Variants in ALOX5 observed in about 807,000 individuals in gnomAD.
The protein encoded by ALOX5 is polyunsaturated fatty acid 5-lipoxygenase.
Under a neutral mutation model 87.9 loss-of-function variants are expected in ALOX5, and 64 were observed. That is an observed-to-expected ratio of 0.73 (90% CI 0.60 to 0.90). ALOX5 has a LOEUF of 0.90. Ranked by LOEUF, ALOX5 falls within the 40% of genes least tolerant of loss-of-function variation. ALOX5 has a pLI of 0.00. For missense variants in ALOX5, 822 were observed against 907.5 expected (o/e 0.91, Z 1.21); for synonymous variants, 388 against 355.1 (o/e 1.09, Z -1.04).
At chr10:45,406,115 A>G (rs1475798931) in intron 3 of ALOX5, among the ~76,000 whole-genome samples, 1 of 152,160 alleles carries the variant, frequency 6.6e-6, no homozygotes, top group Non-Finnish European at 1.5e-5. Flanking sequence ...CAGTCCTGTG[A>G]AAGTTGTTTA....
intron 3 of ALOX5, among the ~76,000 whole-genome samples, chr10:45,409,619 CTCTT>C (rs1372605492): frequency 2.0e-5 from 3 of 151,890 alleles, no homozygotes; most frequent in African/African-American, 7.3e-5. Flanking sequence ...TTCTCTCTCT[CTCTT>C]TCTCTCTCTC....
rs1429211481 is a variant in ALOX5 at position 45,428,456 on chromosome 10, A to AATC, written c.835-160_835-158dup. 8.1e-6 allele frequency: 7 copies of AATC among 864,474 alleles called. No homozygotes were observed. The South Asian group carries it at 1.1e-4, about 13-fold the overall frequency. 53.6% of individuals were successfully genotyped at this position (864,474 alleles called of 1,614,324 possible). The stretch of plus-strand genomic sequence containing the variant: ...ACAACCTGTGAACACCTTCCATGTG[A>AATC]ATCAATCAGCCTTGGAGTCAGAGGA... On this transcript the variant is annotated intron_variant, in intron 6 of 13. Transcript: ENST00000374391.
intron 1 of ALOX5, among the ~76,000 whole-genome samples, chr10:45,382,279 T>C (rs549217993): frequency 1.6e-4 from 25 of 152,360 alleles, no homozygotes; most frequent in African/African-American, 5.5e-4. Context: ...AGTGAGGACA[T>C]CTTTCATAGG....
intron 7 of ALOX5, among the ~76,000 whole-genome samples, chr10:45,429,987 C>T (rs1841856307): frequency 6.6e-6 from 1 of 152,200 alleles, no homozygotes; most frequent in Non-Finnish European, 1.5e-5. Flanking sequence ...TTCCAGCCTC[C>T]CCACAGTCTC....
intron 7 of ALOX5, among the ~76,000 whole-genome samples, chr10:45,430,865 A>G (rs1006701510): frequency 1.3e-5 from 2 of 152,208 alleles, no homozygotes; most frequent in Non-Finnish European, 2.9e-5. Context: ...ATCAGCCCCA[A>G]ATTGATCATA....
intron 9 of ALOX5, 99 bp from the exon 10 acceptor site, chr10:45,442,939 G>A (rs537506989): frequency 1.5e-6 from 2 of 1,317,576 alleles, no homozygotes; most frequent in East Asian, 2.4e-5. Flanking sequence ...ACCTCTGCCT[G>A]CCTGGCCTCC....
intron 4 of ALOX5, among the ~76,000 whole-genome samples, chr10:45,420,653 C>T (rs1244729016): frequency 1.3e-5 from 2 of 152,234 alleles, no homozygotes; most frequent in South Asian, 2.1e-4. Flanking sequence ...TTGGTTTCCT[C>T]GCCGCTGCTT....
At chr10:45,401,865 T>C (rs1401155728) in intron 3 of ALOX5, among the ~76,000 whole-genome samples, 2 of 152,188 alleles carry the variant, frequency 1.3e-5, no homozygotes, top group Non-Finnish European at 2.9e-5. Context: ...GGTGGGTGGA[T>C]CACCAGGTCA....
At chr10:45,420,204 TTGAC>T (rs1255578576) in intron 4 of ALOX5, among the ~76,000 whole-genome samples, 1 of 152,180 alleles carries the variant, frequency 6.6e-6, no homozygotes, top group African/African-American at 2.4e-5. Context: ...ATAAAACATA[TTGAC>T]TTTCATTAAA....
At chr10:45,401,506 C>T (rs1840699003) in intron 3 of ALOX5, among the ~76,000 whole-genome samples, 1 of 152,014 alleles carries the variant, frequency 6.6e-6, no homozygotes, top group Admixed American at 6.5e-5. Flanking sequence ...TGGGATTGTG[C>T]TATATATACC....
chr10:45,436,764 AT>A lies in ALOX5; in HGVS notation c.982-3657del, dbSNP rs371228291. 6.1e-3 allele frequency among the ~76,000 whole-genome samples: 924 copies of A among 151,248 alleles called. 11 individuals carry two copies. Among genetic ancestry groups the A allele is most frequent in the African/African-American group, 0.021 (880 of 41,156 alleles). On this transcript the variant is annotated intron_variant, in intron 7 of 13. Transcript: ENST00000374391. ...TTTTTGGTTCCATATGAATTTTAGGATTTTTTTTTCTAATTCTGTGAAAAAT... is the reference window on the plus strand; with the variant it reads ...TTTTTGGTTCCATATGAATTTTAGGATTTTTTTTCTAATTCTGTGAAAAAT...
chr10:45,395,902 C>T lies in ALOX5; in HGVS notation c.397C>T (p.Arg133Cys), dbSNP rs187523060. The change falls in exon 3 of 14, where the codon CGT becomes TGT. Residue 133 changes from arginine to cysteine, a missense_variant. Physicochemically the swap from Arg to Cys is radical, Grantham distance 180. Transcript: ENST00000374391. Reference sequence around the variant, plus strand: ...AATTCACATTCTCAAGCAACACCGACGTAAAGAACTGGAAACACGGCAAAA... The same window carrying T: ...AATTCACATTCTCAAGCAACACCGATGTAAAGAACTGGAAACACGGCAAAA... ...DQIHILKQHR[R>C]KELETRQKQY... 326 of 1,614,200 alleles carry T rather than the reference C, an allele frequency of 2.0e-4. 2 individuals carry two copies. The South Asian group carries it at 2.9e-3, about 15-fold the overall frequency.
intron 7 of ALOX5, among the ~76,000 whole-genome samples, chr10:45,437,040 T>C (rs1589044958): frequency 1.3e-5 from 2 of 152,270 alleles, no homozygotes; most frequent in Admixed American, 1.3e-4. Flanking sequence ...ACCTGAACAT[T>C]GTTGGTGCAT....
chr10:45,411,500 C>G (rs1841062571), intron 3 of ALOX5, among the ~76,000 whole-genome samples: 1 of 152,184 alleles, frequency 6.6e-6, no homozygotes, highest in Admixed American at 6.5e-5. Flanking sequence ...ACACAAATGC[C>G]CAATGCCACG....
At chr10:45,443,673 C>T in intron 11 of ALOX5, 55 bp from the exon 12 acceptor site, 3 of 1,592,100 alleles carry the variant, frequency 1.9e-6, no homozygotes, top group Middle Eastern at 1.7e-4. Flanking sequence ...GGGTGGGCGC[C>T]GGGCCCTGGG....
In ALOX5 at chr10:45,374,233, C is replaced by G; in HGVS notation, c.-47C>G. ...GCGGCGCTAGATGCGGACACCTGGA[C>G]CGCCGCGCCGAGGCTCCCGGCGCTC... On this transcript the variant is annotated 5_prime_UTR_variant, in exon 1 of 14. Coordinates refer to ENST00000374391, the MANE Select transcript of ALOX5 (RefSeq NM_000698.5). 1 of 1,443,122 alleles carries G rather than the reference C, an allele frequency of 6.9e-7. No homozygotes were observed. Among genetic ancestry groups the G allele is most frequent in the Non-Finnish European group, 9.1e-7 (1 of 1,098,780 alleles). 89.4% of individuals were successfully genotyped at this position (1,443,122 alleles called of 1,614,324 possible). A position where few individuals can be genotyped will look rare whatever the true frequency, so the allele number is the denominator to read the frequency against.
chr10:45,432,364 A>G (rs1434342085), intron 7 of ALOX5, among the ~76,000 whole-genome samples: 1 of 151,400 alleles, frequency 6.6e-6, no homozygotes, highest in Non-Finnish European at 1.5e-5. Flanking sequence ...TATCTTTAAA[A>G]AAAAAAAAAA....
At chr10:45,421,905 C>A (rs1413413036) in intron 4 of ALOX5, among the ~76,000 whole-genome samples, 1 of 152,246 alleles carries the variant, frequency 6.6e-6, no homozygotes, top group Non-Finnish European at 1.5e-5. Context: ...CCCTCTCGGT[C>A]ACCTGCAGGC....
At chr10:45,385,252 A>G (rs1839971158) in intron 2 of ALOX5, among the ~76,000 whole-genome samples, 1 of 151,924 alleles carries the variant, frequency 6.6e-6, no homozygotes, top group South Asian at 2.1e-4. Context: ...CCATATGATC[A>G]CCCCTTAAAT....
Sources: allele counts gnomAD v4.1 joint callset (sites outside exome capture counted in the v4.1 genomes callset), GRCh38; gene constraint gnomAD v4.1.1; transcripts MANE v1.5; gene names NCBI Gene and HGNC (gene_info 2026-07-23, HGNC 2026-07-21).